Variants in SYS1 observed in about 807,000 individuals in gnomAD.
SYS1 encodes protein SYS1 homolog.
A neutral mutation model predicts 17.8 loss-of-function variants in SYS1; 8 were observed. The observed-to-expected ratio is 0.45, with a 90% CI of 0.26 to 0.81. The LOEUF is 0.81. Ranked by LOEUF, SYS1 falls within the 40% of genes least tolerant of loss-of-function variation. The pLI is 0.16. For missense variants in SYS1, 161 were observed against 203.9 expected, an observed-to-expected ratio of 0.79 and a Z score of 1.28; for synonymous variants, 95 against 90.9, an observed-to-expected ratio of 1.05 and a Z score of -0.26.
At chr20:45,374,171 A>C (rs1184425879), downstream of SYS1, 2 of 684,452 alleles carry the variant, frequency 2.9e-6, no homozygotes, top group Non-Finnish European at 5.2e-6. Context: ...CCCGGTGGGC[A>C]CTCACCCCCT....
At chr20:45,373,804 G>A (rs930854561), downstream of SYS1, 7 of 1,157,144 alleles carry the variant, frequency 6.0e-6, no homozygotes, top group African/African-American at 1.1e-4. Context: ...CTGAAGTCGC[G>A]ACACAGGCTC....
At chr20:45,365,236 T>C (rs950087027) in intron 2 of SYS1, 4 of 350,480 alleles carry the variant, frequency 1.1e-5, no homozygotes, top group Non-Finnish European at 2.2e-5. Context: ...TAGACAAATA[T>C]ATAAGTGAAT....
chr20:45,363,403 G>T, intron 1 of SYS1, 88 bp downstream of exon 1: 14 of 1,446,678 alleles, frequency 9.7e-6, no homozygotes, highest in Non-Finnish European at 1.3e-5. Context: ...GAATGGGTCT[G>T]TCTGCCCCGC....
Position 45,368,602 on chromosome 20 carries a change from T to G in SYS1, c.*1487T>G, listed in dbSNP as rs1036339353. The G allele has an allele frequency of 1.4e-5, 14 of 985,288 alleles. No individual in the cohort carries two copies. The African/African-American group carries it at 2.4e-4, about 17-fold the overall frequency. 61.0% of individuals were successfully genotyped at this position (985,288 alleles called of 1,614,324 possible). A position where few individuals can be genotyped will look rare whatever the true frequency, so the allele number is the denominator to read the frequency against. On this transcript the variant is annotated 3_prime_UTR_variant, in exon 4 of 4. Transcript: ENST00000243918. ...GAGTTGATGCTGACAGGATGAAGATTTAGGAATAAATATGCCTGGGAAGAG... is the reference window on the plus strand; with the variant it reads ...GAGTTGATGCTGACAGGATGAAGATGTAGGAATAAATATGCCTGGGAAGAG...
rs1988471757 is a variant in SYS1, at chr20:45,367,946, G to A, written c.*831G>A. 1.0e-6 allele frequency: 1 copy of A among 985,488 alleles called. No individual in the cohort carries two copies. Among genetic ancestry groups the A allele is most frequent in the South Asian group, 4.7e-5 (1 of 21,280 alleles). 61.0% of individuals were successfully genotyped at this position (985,488 alleles called of 1,614,324 possible). A position where few individuals can be genotyped will look rare whatever the true frequency, so the allele number is the denominator to read the frequency against. On this transcript the variant is annotated 3_prime_UTR_variant, in exon 4 of 4. Transcript: ENST00000243918. ...TTATTTAGAATTCTTTGGCGGGAAG[G>A]GTATGATGGGTTCCCAGAGACAAGA... is the stretch of plus-strand genomic sequence containing the variant.
Position 45,365,486 on chromosome 20 carries a change from T to C in SYS1, c.163-133T>C. The C allele has an allele frequency of 3.5e-6, 3 of 855,798 alleles. No homozygotes were observed. The Admixed American group carries it at 5.1e-5, about 15-fold the overall frequency. The allele number at this position is 855,798 out of a possible 1,614,324, so 53.0% of individuals were successfully genotyped here. A position where few individuals can be genotyped will look rare whatever the true frequency, so the allele number is the denominator to read the frequency against. ...ATGAAAGCACCTATTGGAAATAGGC[T>C]GCCGTACAGATGTAGGGAGGTATTA... is the stretch of plus-strand genomic sequence containing the variant. On this transcript the variant is annotated intron_variant, in intron 2 of 3. Coordinates refer to ENST00000243918, the MANE Select transcript of SYS1 (RefSeq NM_033542.4).
upstream of SYS1, chr20:45,362,088 T>C (rs1028238630): frequency 2.2e-6 from 2 of 893,684 alleles, no homozygotes; most frequent in Non-Finnish European, 2.7e-6. Flanking sequence ...AAATATTTAC[T>C]GACTGTCCAC....
intron 3 of SYS1, 69 bp from the exon 4 acceptor site, chr20:45,366,806 C>T: frequency 1.5e-6 from 2 of 1,329,560 alleles, no homozygotes; most frequent in Non-Finnish European, 1.1e-6. Context: ...TCCTAATTGT[C>T]CCTACCCTCC....
At chr20:45,373,732 G>A (rs1988628462), downstream of SYS1, 1 of 622,642 alleles carries the variant, frequency 1.6e-6, no homozygotes, top group Non-Finnish European at 2.8e-6. Flanking sequence ...GAGGGGTGCT[G>A]CTCGCTGGCT....
chr20:45,361,965 C>A (rs1988237914), upstream of SYS1: 2 of 984,874 alleles, frequency 2.0e-6, no homozygotes, highest in Non-Finnish European at 2.4e-6. Flanking sequence ...CGTCTTTCCA[C>A]TTCAGAGAGG....
At chr20:45,363,784 C>G (rs1600743840) in intron 2 of SYS1, 91 bp downstream of exon 2, 2 of 1,345,160 alleles carry the variant, frequency 1.5e-6, no homozygotes, top group Non-Finnish European at 2.0e-6. Context: ...GTGGCTGGGT[C>G]ACCTTCTTTC....
At chr20:45,371,798 G>A (rs1375846923), downstream of SYS1, among the ~76,000 whole-genome samples, 1 of 152,238 alleles carries the variant, frequency 6.6e-6, no homozygotes, top group Non-Finnish European at 1.5e-5. Context: ...AAATGGAGCC[G>A]GGACTGACTG....
intron 3 of SYS1, 90 bp from the exon 4 acceptor site, chr20:45,366,785 C>T: frequency 9.3e-7 from 1 of 1,075,476 alleles, no homozygotes; most frequent in South Asian, 1.4e-5. Flanking sequence ...CTTCTGACCA[C>T]TATGCTGCCG....
At chr20:45,364,413 C>T (rs1017342059) in intron 2 of SYS1, among the ~76,000 whole-genome samples, 10 of 149,064 alleles carry the variant, frequency 6.7e-5, no homozygotes, top group African/African-American at 2.5e-4. Flanking sequence ...TAAAGGAGGC[C>T]TATAAGTTGT....
chr20:45,362,910 C>G (rs6130815), upstream of SYS1: 1 of 155,522 alleles, frequency 6.4e-6, no homozygotes, highest in Non-Finnish European at 1.4e-5. Flanking sequence ...TTACCGCGTC[C>G]TAAGCCACCC....
downstream of SYS1, among the ~76,000 whole-genome samples, chr20:45,371,151 G>A (rs1352618158): frequency 6.6e-6 from 1 of 152,084 alleles, no homozygotes; most frequent in Non-Finnish European, 1.5e-5. Flanking sequence ...TTATTTCCCT[G>A]GGTTTTGTTT....
chr20:45,371,858 A>C (rs1436760010), downstream of SYS1, among the ~76,000 whole-genome samples: 4 of 152,214 alleles, frequency 2.6e-5, no homozygotes, highest in African/African-American at 9.6e-5. Context: ...GAAAAGGCCA[A>C]ACATTTGTTC....
chr20:45,373,670 G>T, downstream of SYS1: 2 of 560,280 alleles, frequency 3.6e-6, no homozygotes, highest in East Asian at 5.8e-5. Context: ...GCACACGAGC[G>T]CCCTGACTTC....
Position 45,365,696 on chromosome 20 carries a change from A to C in SYS1, c.230+10A>C, listed in dbSNP as rs199497471. On this transcript the variant is annotated intron_variant, in intron 3 of 3. Coordinates refer to ENST00000243918, the MANE Select transcript of SYS1 (RefSeq NM_033542.4). Reference sequence around the variant, plus strand: ...TCAACGCCCTCACCTGGTGAGTATCACCAGTTTTGCTATCCAGCTTTTGGG... The same window carrying C: ...TCAACGCCCTCACCTGGTGAGTATCCCCAGTTTTGCTATCCAGCTTTTGGG... 2.0e-5 allele frequency: 32 copies of C among 1,613,664 alleles called. No homozygotes were observed. Among genetic ancestry groups the C allele is most frequent in the Non-Finnish European group, 2.5e-5 (30 of 1,179,852 alleles).
Sources: gnomAD v4.1 joint callset for allele counts (sites outside exome capture counted in the v4.1 genomes callset) on GRCh38, gnomAD v4.1.1 for gene constraint, MANE v1.5 for transcripts, NCBI Gene and HGNC (gene_info 2026-07-23, HGNC 2026-07-21) for gene names.